DYRK1A: variants seen among roughly 807,000 people sequenced by gnomAD.
DYRK1A encodes the protein dual specificity tyrosine-phosphorylation-regulated kinase 1A.
A neutral mutation model predicts 79.7 loss-of-function variants in DYRK1A; 9 were observed. The observed-to-expected ratio is 0.11, with a 90% CI of 0.07 to 0.20. The LOEUF (loss-of-function observed/expected upper bound fraction) is 0.20, where lower values mean the gene tolerates loss of function less well. Among genes scored for constraint, DYRK1A ranks in the 10% least tolerant of loss-of-function variants. DYRK1A has a pLI of 1.00. For missense variants in DYRK1A, 622 were observed against 956.0 expected (o/e 0.65, Z 4.61); for synonymous variants, 349 against 329.7 (o/e 1.06, Z -0.63).
In DYRK1A at chr21:37,526,320, G is replaced by A. The variant is rs954935067; in HGVS notation, c.*13789G>A. On this transcript the variant is annotated 3_prime_UTR_variant, in exon 12 of 12. Transcript: ENST00000647188. The stretch of plus-strand genomic sequence containing the variant: ...GAGTCTAATAGAATCTTATAAAAAT[G>A]TATAAATGTGTTTTATGTAATAAAT... The A allele has an allele frequency of 6.6e-6, 1 of 152,166 alleles. No homozygotes were observed. Among genetic ancestry groups the A allele is most frequent in the South Asian group, 2.1e-4 (1 of 4,830 alleles). 9.4% of individuals were successfully genotyped at this position (152,166 alleles called of 1,614,324 possible). A position where few individuals can be genotyped will look rare whatever the true frequency, so the allele number is the denominator to read the frequency against.
At chr21:37,471,652 A>G (rs2835760) in intron 2 of DYRK1A, among the ~76,000 whole-genome samples, 20,955 of 152,232 alleles carry the variant, frequency 0.14, 2,225 homozygotes, top group East Asian at 0.46. Context: ...ACAGCTGGTC[A>G]CCGGTAGTGC....
rs1377710735 is a variant in DYRK1A, at chr21:37,520,456, T to C, written c.*7925T>C. 2 of 152,230 alleles carry C rather than the reference T, an allele frequency of 1.3e-5. No homozygotes were observed. Among genetic ancestry groups the C allele is most frequent in the Non-Finnish European group, 2.9e-5 (2 of 68,048 alleles). The allele number at this position is 152,230 out of a possible 1,614,324, so 9.4% of individuals were successfully genotyped here. Reference sequence around the variant, plus strand: ...TATTCTGTTGACTTTGTTGATAATATTAGGTGACTACATCGAGCCTGGGTT... The same window carrying C: ...TATTCTGTTGACTTTGTTGATAATACTAGGTGACTACATCGAGCCTGGGTT... On this transcript the variant is annotated 3_prime_UTR_variant, in exon 12 of 12. Transcript: ENST00000647188.
rs1439654799 is a variant in DYRK1A, at chr21:37,368,643, C to T, written c.-77+1015C>T. 2.0e-5 allele frequency among the ~76,000 whole-genome samples: 3 copies of T among 152,248 alleles called. No individual in the cohort carries two copies. The East Asian group carries it at 5.8e-4, about 29-fold the overall frequency. ...GTTTTTAGGGTTTTCAGTGGATCGA[C>T]CAGCTTGCCCAGCCGGTAGGAACTG... On this transcript the variant is annotated intron_variant, in intron 1 of 11. Transcript: ENST00000647188.
At chr21:37,450,998 G>C (rs188783189) in intron 2 of DYRK1A, among the ~76,000 whole-genome samples, 39 of 152,128 alleles carry the variant, frequency 2.6e-4, no homozygotes, top group Non-Finnish European at 7.4e-5. Context: ...GATGTCTTGC[G>C]ATCCTTACCC....
intron 2 of DYRK1A, among the ~76,000 whole-genome samples, chr21:37,436,108 G>A (rs978087848): frequency 6.6e-6 from 1 of 152,092 alleles, no homozygotes; most frequent in Non-Finnish European, 1.5e-5. Flanking sequence ...TATCTGGAAG[G>A]GTATAGGGGA....
At chr21:37,480,448 G>A (rs1338460749) in intron 4 of DYRK1A, among the ~76,000 whole-genome samples, 190 bp from the exon 5 acceptor site, 3 of 151,974 alleles carry the variant, frequency 2.0e-5, no homozygotes, top group African/African-American at 7.2e-5. Context: ...AACATTTTTT[G>A]TTTACAAAGT....
chr21:37,480,871 T>C (rs775654010), intron 5 of DYRK1A, 45 bp downstream of exon 5: 23 of 1,472,364 alleles, frequency 1.6e-5, no homozygotes, highest in Admixed American at 2.1e-5. Flanking sequence ...AGAAAGAACT[T>C]CTTAGTGAAT....
chr21:37,497,978 A>G (rs116237495), intron 9 of DYRK1A, among the ~76,000 whole-genome samples: 1,550 of 152,296 alleles, frequency 0.01, 23 homozygotes, highest in African/African-American at 0.034. Context: ...TTGTAACAAA[A>G]AGTCAAATTC....
intron 1 of DYRK1A, among the ~76,000 whole-genome samples, chr21:37,383,076 T>A (rs771985525): frequency 6.6e-6 from 1 of 152,234 alleles, no homozygotes; most frequent in Non-Finnish European, 1.5e-5. Context: ...TCCCCACCGC[T>A]TTTGCAGTTA....
chr21:37,467,840 A>G (rs2052083741), intron 2 of DYRK1A, among the ~76,000 whole-genome samples: 1 of 152,170 alleles, frequency 6.6e-6, no homozygotes. Flanking sequence ...TTTTTAAATC[A>G]TCACTGTACT....
At chr21:37,500,846 G>GT (rs1311920813) in intron 9 of DYRK1A, among the ~76,000 whole-genome samples, 5 of 150,658 alleles carry the variant, frequency 3.3e-5, no homozygotes, top group Non-Finnish European at 7.4e-5. Flanking sequence ...TGTACTTTCT[G>GT]TTTTTTCCGC....
chr21:37,369,270 T>C (rs927691517), intron 1 of DYRK1A, among the ~76,000 whole-genome samples: 29 of 152,374 alleles, frequency 1.9e-4, no homozygotes, highest in African/African-American at 6.5e-4. Context: ...TTCTCATGTC[T>C]TGATCAGTTA....
At chr21:37,464,985 A>C (rs1238665148) in intron 2 of DYRK1A, among the ~76,000 whole-genome samples, 1 of 152,200 alleles carries the variant, frequency 6.6e-6, no homozygotes, top group Non-Finnish European at 1.5e-5. Flanking sequence ...GGATAACTTA[A>C]ATACTTTTTG....
chr21:37,408,968 A>T (rs934543791), intron 1 of DYRK1A, among the ~76,000 whole-genome samples: 4 of 152,144 alleles, frequency 2.6e-5, no homozygotes, highest in Non-Finnish European at 5.9e-5. Context: ...TAGGGTGGTA[A>T]TGGTGGCATA....
At chr21:37,439,938 A>T (rs990892475) in intron 2 of DYRK1A, among the ~76,000 whole-genome samples, 3 of 152,082 alleles carry the variant, frequency 2.0e-5, no homozygotes, top group African/African-American at 7.2e-5. Context: ...GTTTGCTGAA[A>T]TAAAGGTCAC....
At position 37,385,307 on chromosome 21, in the gene DYRK1A, G is replaced by C. The variant is rs146816521; in HGVS notation, c.-77+17679G>C. Reference sequence around the variant, plus strand: ...CTGAGTCCACTGCTTTAGGGTCTTAGAAGGCTGTAAAGATGTTGGCTGAGG... The same window carrying C: ...CTGAGTCCACTGCTTTAGGGTCTTACAAGGCTGTAAAGATGTTGGCTGAGG... On this transcript the variant is annotated intron_variant, in intron 1 of 11. Transcript: ENST00000647188. Among the ~76,000 whole-genome samples, 432 of 152,264 alleles carry C rather than the reference G, an allele frequency of 2.8e-3. 1 individual carries two copies. Among genetic ancestry groups the C allele is most frequent in the Non-Finnish European group, 3.9e-3 (264 of 68,020 alleles).
At chr21:37,431,858 C>G (rs142021326) in intron 2 of DYRK1A, among the ~76,000 whole-genome samples, 175 of 151,866 alleles carry the variant, frequency 1.2e-3, no homozygotes, top group Non-Finnish European at 2.2e-3. Context: ...AGTACAAAAA[C>G]CAGTTTTTAA....
At chr21:37,448,701 T>A (rs2051350366) in intron 2 of DYRK1A, among the ~76,000 whole-genome samples, 1 of 151,980 alleles carries the variant, frequency 6.6e-6, no homozygotes, top group Non-Finnish European at 1.5e-5. Flanking sequence ...TTTTTTTGTT[T>A]GTTTTTGAGG....
intron 1 of DYRK1A, among the ~76,000 whole-genome samples, chr21:37,414,509 C>T (rs1199029966): frequency 2.6e-5 from 4 of 152,092 alleles, no homozygotes; most frequent in Non-Finnish European, 5.9e-5. Flanking sequence ...GATAAGTCAT[C>T]TCATGCAGTG....
Sources: allele counts gnomAD v4.1 joint callset (sites outside exome capture counted in the v4.1 genomes callset), GRCh38; gene constraint gnomAD v4.1.1; transcripts MANE v1.5; gene names NCBI Gene and HGNC (gene_info 2026-07-23, HGNC 2026-07-21).